The following SLMAP variants were observed in gnomAD, a reference collection of about 807,000 sequenced individuals.
SLMAP encodes sarcolemma associated protein.
Under a neutral mutation model 128.8 loss-of-function variants are expected in SLMAP, and 44 were observed. The ratio of observed to expected loss-of-function variants is 0.34; its 90% CI spans 0.27 to 0.44. The LOEUF is 0.44. Ranked by LOEUF, SLMAP falls within the 20% of genes least tolerant of loss-of-function variation. SLMAP has a pLI of 1.00. For missense variants in SLMAP, 787 were observed against 985.3 expected (o/e 0.80, Z 2.69); for synonymous variants, 327 against 348.8 (o/e 0.94, Z 0.70).
intron 13 of SLMAP, among the ~76,000 whole-genome samples, chr3:57,866,866 C>A (rs1476621041): frequency 3.3e-5 from 5 of 151,112 alleles, no homozygotes; most frequent in African/African-American, 1.2e-4. Context: ...GGGAGTGAGA[C>A]CCTGTCTCAA....
intron 4 of SLMAP, among the ~76,000 whole-genome samples, chr3:57,844,117 C>T (rs1443716483): frequency 2.7e-5 from 4 of 150,742 alleles, no homozygotes; most frequent in Non-Finnish European, 4.4e-5. Context: ...AGAGGCCTGG[C>T]GCAGGTGGCT....
intron 2 of SLMAP, among the ~76,000 whole-genome samples, chr3:57,815,346 C>T (rs1318515936): frequency 6.6e-6 from 1 of 152,084 alleles, no homozygotes; most frequent in Non-Finnish European, 1.5e-5. Flanking sequence ...GGACCCCTGC[C>T]CTAATCCATA....
chr3:57,795,832 C>A (rs2086613408), intron 2 of SLMAP, among the ~76,000 whole-genome samples: 2 of 151,902 alleles, frequency 1.3e-5, no homozygotes, highest in African/African-American at 4.8e-5. Flanking sequence ...ACTCTCCCTT[C>A]CCCCTCCCCC....
At chr3:57,764,301 A>T (rs2079227905) in intron 2 of SLMAP, among the ~76,000 whole-genome samples, 1 of 152,160 alleles carries the variant, frequency 6.6e-6, no homozygotes, top group Non-Finnish European at 1.5e-5. Flanking sequence ...CAGGAGTTTG[A>T]GACCAGCCTG....
intron 14 of SLMAP, among the ~76,000 whole-genome samples, chr3:57,880,220 G>A (rs1025160049): frequency 7.3e-6 from 1 of 137,274 alleles, no homozygotes; most frequent in African/African-American, 2.6e-5. Context: ...TTTTGTTCTT[G>A]AGACTGAGTC....
chr3:57,885,118 G>A (rs2095846072), intron 14 of SLMAP, among the ~76,000 whole-genome samples: 1 of 151,304 alleles, frequency 6.6e-6, no homozygotes, highest in African/African-American at 2.4e-5. Context: ...TGTTGCCCAG[G>A]CTGGAGTGCA....
At chr3:57,848,863 C>T (rs965629411) in intron 5 of SLMAP, among the ~76,000 whole-genome samples, 1 of 152,104 alleles carries the variant, frequency 6.6e-6, no homozygotes, top group African/African-American at 2.4e-5. Flanking sequence ...GCATGTGCCA[C>T]CATGCCCTGC....
chr3:57,878,880 T>A (rs980033275), intron 14 of SLMAP, among the ~76,000 whole-genome samples: 15 of 152,332 alleles, frequency 9.8e-5, no homozygotes, highest in African/African-American at 3.6e-4. Context: ...AGCAGCAGAT[T>A]GTCTGGTTCT....
intron 2 of SLMAP, among the ~76,000 whole-genome samples, chr3:57,781,814 C>T (rs1382366892): frequency 7.0e-6 from 1 of 143,134 alleles, no homozygotes; most frequent in Non-Finnish European, 1.5e-5. Flanking sequence ...CTCACTGCAA[C>T]CTCTGCCTCC....
intron 17 of SLMAP, among the ~76,000 whole-genome samples, chr3:57,904,041 G>T (rs1047369824): frequency 6.6e-6 from 1 of 152,138 alleles, no homozygotes; most frequent in African/African-American, 2.4e-5. Flanking sequence ...AAAAAGAATT[G>T]CTCATTAAGT....
At chr3:57,783,953 GA>G (rs1207059160) in intron 2 of SLMAP, among the ~76,000 whole-genome samples, 1 of 152,090 alleles carries the variant, frequency 6.6e-6, no homozygotes, top group Non-Finnish European at 1.5e-5. Flanking sequence ...AGGTGTTGCT[GA>G]ACCTGCTGCT....
At chr3:57,854,187 C>G (rs1210485640) in intron 6 of SLMAP, among the ~76,000 whole-genome samples, 1 of 150,230 alleles carries the variant, frequency 6.7e-6, no homozygotes, top group Non-Finnish European at 1.5e-5. Flanking sequence ...AACCAATATT[C>G]AGTGGACTCT....
chr3:57,834,345 A>G (rs895642856), intron 3 of SLMAP, among the ~76,000 whole-genome samples: 1 of 152,188 alleles, frequency 6.6e-6, no homozygotes, highest in South Asian at 2.1e-4. Context: ...CAAGGTAATT[A>G]ATAAACCGTA....
chr3:57,766,018 A>ATTT (rs2079603728), intron 2 of SLMAP, among the ~76,000 whole-genome samples: 1 of 118,340 alleles, frequency 8.5e-6, no homozygotes, highest in African/African-American at 3.4e-5. Context: ...TTTTTTTTTG[A>ATTT]GACGGAGTCT....
chr3:57,841,693 CCT>C (rs781726626), intron 4 of SLMAP, among the ~76,000 whole-genome samples: 68 of 152,132 alleles, frequency 4.5e-4, no homozygotes, highest in Non-Finnish European at 8.1e-4. Context: ...TAGCTTCATT[CCT>C]TTTTATTTTC....
In SLMAP at chr3:57,858,131, T is replaced by C. The variant is rs2094880036; in HGVS notation, c.659T>C (p.Met220Thr). ...AGACTCTTATCACGGTTAGAAGTTA[T>C]GGGAAACCAATTACAGGCATGCTCC... ...EDRLLSRLEV[M>T]GNQLQACSKN... The change falls in exon 8 of 25, where the codon ATG becomes ACG. Residue 220 changes from methionine to threonine, a missense_variant. By Grantham distance (81) the Met-to-Thr change is moderately conservative (BLOSUM62 -1). Coordinates refer to ENST00000671191, the MANE Select transcript of SLMAP (RefSeq NM_001377540.1). 1.2e-6 allele frequency: 2 copies of C among 1,602,242 alleles called. No individual in the cohort carries two copies. The highest frequency in any genetic ancestry group is 1.7e-6 in the Non-Finnish European group (2 of 1,169,300).
At chr3:57,841,164 C>A in intron 3 of SLMAP, 135 bp from the exon 4 acceptor site, 1 of 523,808 alleles carries the variant, frequency 1.9e-6, no homozygotes, top group Non-Finnish European at 3.3e-6. Context: ...GTAATAATGT[C>A]ATTAAACCAC....
chr3:57,799,719 A>G (rs1211627827), intron 2 of SLMAP, among the ~76,000 whole-genome samples: 1 of 152,050 alleles, frequency 6.6e-6, no homozygotes, highest in Non-Finnish European at 1.5e-5. Context: ...TTTTTATTGC[A>G]CCACTGGACC....
chr3:57,917,546 C>G (rs1273460123), intron 22 of SLMAP: 2 of 162,620 alleles, frequency 1.2e-5, no homozygotes, highest in African/African-American at 4.8e-5. Flanking sequence ...TACTTTCTTC[C>G]TCCCACCCCC....
Sources: allele counts gnomAD v4.1 joint callset (sites outside exome capture counted in the v4.1 genomes callset), GRCh38; gene constraint gnomAD v4.1.1; transcripts MANE v1.5; gene names NCBI Gene and HGNC (gene_info 2026-07-23, HGNC 2026-07-21).